KIAA0930: variants seen among roughly 807,000 people sequenced by gnomAD.
The protein encoded by KIAA0930 is uncharacterized protein KIAA0930.
KIAA0930 carries 24 observed loss-of-function variants against 43.9 expected under a neutral mutation model. That is an observed-to-expected ratio of 0.55 (90% CI 0.40 to 0.77). The LOEUF is 0.77. Among genes scored for constraint, KIAA0930 ranks in the 30% least tolerant of loss-of-function variants. KIAA0930 has a pLI of 0.00. For synonymous variants in KIAA0930, 259 were observed against 216.4 expected, an observed-to-expected ratio of 1.20 and a Z score of -1.73; for missense variants, 461 against 574.2, an observed-to-expected ratio of 0.80 and a Z score of 2.02.
chr22:45,234,664 AT>A (rs2083875812), intron 1 of KIAA0930, among the ~76,000 whole-genome samples: 1 of 152,258 alleles, frequency 6.6e-6, no homozygotes, highest in African/African-American at 2.4e-5. Context: ...CTTTGCACGT[AT>A]AAAAAGCTTT....
At chr22:45,197,729 C>T (rs1324456811) in intron 9 of KIAA0930, 61 bp downstream of exon 9, 8 of 1,582,956 alleles carry the variant, frequency 5.1e-6, no homozygotes, top group Non-Finnish European at 6.9e-6. Flanking sequence ...AGTACCAAGG[C>T]CCTGGAGGCA....
Position 45,196,088 on chromosome 22 carries a change from G to A in KIAA0930, c.*1088C>T, listed in dbSNP as rs1348353582. On this transcript the variant is annotated 3_prime_UTR_variant, in exon 10 of 10. Transcript: ENST00000336156. This position sits in a 1 kb window ranked among gnomAD's most constrained non-coding sequence, Gnocchi z 4.1. ...TTGGGTAGGGGACAGGCCTGCTCTC[G>A]GGGAGGGTACCGTGCATCCTTGCAG... 3.3e-5 allele frequency: 5 copies of A among 152,160 alleles called. No homozygotes were observed. Among genetic ancestry groups the A allele is most frequent in the East Asian group, 1.9e-4 (1 of 5,190 alleles). The allele number at this position is 152,160 out of a possible 1,614,324, so 9.4% of individuals were successfully genotyped here.
In KIAA0930 at chr22:45,196,903, C is replaced by T; in HGVS notation, c.*273G>A. ...TCATGGCCGCTCGGCATCTCTAGTC[C>T]TCTTTGGGTGCAGAGGGCTCTCCAG... On this transcript the variant is annotated 3_prime_UTR_variant, in exon 10 of 10. Coordinates refer to ENST00000336156, the MANE Select transcript of KIAA0930 (RefSeq NM_001009880.2). This position sits in a 1 kb window ranked among gnomAD's most constrained non-coding sequence, Gnocchi z 4.1. The T allele has an allele frequency of 2.2e-6, 1 of 455,196 alleles. No homozygotes were observed. The highest frequency in any genetic ancestry group is 3.9e-6 in the Non-Finnish European group (1 of 257,374). The allele number at this position is 455,196 out of a possible 1,614,324, so 28.2% of individuals were successfully genotyped here. A position where few individuals can be genotyped will look rare whatever the true frequency, so the allele number is the denominator to read the frequency against.
At position 45,197,905 on chromosome 22, in the gene KIAA0930, C is replaced by A; in HGVS notation, c.1059G>T (p.Ser353=). ...ACCCGACCAGGGACCGTCCTGTGCC[C>A]GACAGGGACCGAGACCGCAGGTTGG... The part of the protein sequence containing the change: ...NATNLRSRSL[S]GTGRSLVGSW... The change falls in exon 9 of 10, where the codon TCG becomes TCT. Residue 353 remains serine, a synonymous_variant. Coordinates refer to ENST00000336156, the MANE Select transcript of KIAA0930 (RefSeq NM_001009880.2). 1.2e-6 allele frequency: 2 copies of A among 1,614,164 alleles called. No individual in the cohort carries two copies. Among genetic ancestry groups the A allele is most frequent in the East Asian group, 2.2e-5 (1 of 44,892 alleles).
chr22:45,224,465 C>A (rs2083786329), intron 1 of KIAA0930, among the ~76,000 whole-genome samples: 1 of 152,222 alleles, frequency 6.6e-6, no homozygotes, highest in Non-Finnish European at 1.5e-5. Flanking sequence ...ACAACTGAAG[C>A]AGTTTATTTT....
At chr22:45,199,044 T>C (rs2083562422) in intron 8 of KIAA0930, among the ~76,000 whole-genome samples, 2 of 152,134 alleles carry the variant, frequency 1.3e-5, no homozygotes, top group Admixed American at 1.3e-4. Flanking sequence ...AGGCACGTGG[T>C]CCATGCCAGC....
chr22:45,200,002 G>A lies in KIAA0930; in HGVS notation c.886C>T (p.Arg296Trp), dbSNP rs1415078151. Reference sequence around the variant, plus strand: ...GAGAAGAAGGCAGGCCGGTTGTTCCGTTCTGGGGTGGGGGGTGTGCTGAAG... The same window carrying A: ...GAGAAGAAGGCAGGCCGGTTGTTCCATTCTGGGGTGGGGGGTGTGCTGAAG... ...TSFSTPPTPE[R>W]NNRPAFFSPS... Residue 296 changes from arginine (R) to tryptophan (W), a missense_variant, in exon 8 of 10, where the codon CGG becomes TGG. By Grantham distance (101) the Arg-to-Trp change is moderately radical. Coordinates refer to ENST00000336156, the MANE Select transcript of KIAA0930 (RefSeq NM_001009880.2). 13 of 1,603,846 alleles carry A rather than the reference G, an allele frequency of 8.1e-6. No homozygotes were observed. Among genetic ancestry groups the A allele is most frequent in the Non-Finnish European group, 1.1e-5 (13 of 1,175,282 alleles).
chr22:45,213,960 G>A (rs1006370445), intron 1 of KIAA0930, among the ~76,000 whole-genome samples: 3 of 151,722 alleles, frequency 2.0e-5, no homozygotes, highest in African/African-American at 4.8e-5. Context: ...GCAGTGAGCC[G>A]AGATCGCACC....
intron 1 of KIAA0930, among the ~76,000 whole-genome samples, chr22:45,213,878 C>T (rs1353422605): frequency 6.6e-6 from 1 of 152,072 alleles, no homozygotes; most frequent in Non-Finnish European, 1.5e-5. Context: ...GGCATGGTGG[C>T]GGGTGCCTGT....
intron 1 of KIAA0930, among the ~76,000 whole-genome samples, chr22:45,227,866 G>A (rs2083812131): frequency 6.6e-6 from 1 of 152,204 alleles, no homozygotes; most frequent in Non-Finnish European, 1.5e-5. Flanking sequence ...TTTGCTGCAG[G>A]GAGAGGGCTC....
chr22:45,234,160 C>T (rs1240691071), intron 1 of KIAA0930, among the ~76,000 whole-genome samples: 1 of 152,180 alleles, frequency 6.6e-6, no homozygotes, highest in Non-Finnish European at 1.5e-5. Context: ...GTCTCTGAGG[C>T]CCGGCAAGCT....
intron 1 of KIAA0930, chr22:45,212,631 C>T (rs1017928798): frequency 8.9e-7 from 1 of 1,119,176 alleles, no homozygotes; most frequent in Non-Finnish European, 1.2e-6. Context: ...AGGGAGACAG[C>T]ACCCGCCCCA....
At chr22:45,227,324 C>T (rs2083808305) in intron 1 of KIAA0930, among the ~76,000 whole-genome samples, 1 of 152,184 alleles carries the variant, frequency 6.6e-6, no homozygotes, top group African/African-American at 2.4e-5. Context: ...CCACACCAAC[C>T]CTCATTCCTA....
At position 45,193,523 on chromosome 22, in the gene KIAA0930, T is replaced by C. The variant is rs190412632; in HGVS notation, c.*3653A>G. 4 of 152,332 alleles carry C rather than the reference T, an allele frequency of 2.6e-5. No homozygotes were observed. Among genetic ancestry groups the C allele is most frequent in the East Asian group, 3.9e-4 (2 of 5,186 alleles). 9.4% of individuals were successfully genotyped at this position (152,332 alleles called of 1,614,324 possible). A position where few individuals can be genotyped will look rare whatever the true frequency, so the allele number is the denominator to read the frequency against. ...AAACAGATCCTGGTTTGAGTGCAGG[T>C]ACATTCTTTGGGGGAGGGCACCTCA... is the stretch of plus-strand genomic sequence containing the variant. On this transcript the variant is annotated 3_prime_UTR_variant, in exon 10 of 10. Coordinates refer to ENST00000336156, the MANE Select transcript of KIAA0930 (RefSeq NM_001009880.2).
chr22:45,202,528 T>A, intron 7 of KIAA0930: 1 of 154,530 alleles, frequency 6.5e-6, no homozygotes, highest in Non-Finnish European at 1.4e-5. Context: ...ATGCGCTGGC[T>A]GACCCTCAGT....
chr22:45,226,965 C>T (rs1213360500), intron 1 of KIAA0930: 2 of 152,870 alleles, frequency 1.3e-5, no homozygotes, highest in Admixed American at 6.5e-5. Flanking sequence ...CCACCCACGC[C>T]CCCAGCTCAC....
At chr22:45,226,658 G>T (rs2083803049) in intron 1 of KIAA0930, 2 of 220,706 alleles carry the variant, frequency 9.1e-6, no homozygotes, top group African/African-American at 2.3e-5. Context: ...CCTCACAGGG[G>T]CCTTATCCAA....
At chr22:45,203,715 C>G (rs1048169973) in intron 6 of KIAA0930, 130 bp downstream of exon 6, 1 of 1,009,262 alleles carries the variant, frequency 9.9e-7, no homozygotes, top group African/African-American at 1.6e-5. Flanking sequence ...CCCGGAGGGG[C>G]TGCAGGTACC....
chr22:45,203,057 G>A lies in KIAA0930; in HGVS notation c.785C>T (p.Ser262Phe). 1 of 1,613,810 alleles carries A rather than the reference G, an allele frequency of 6.2e-7. No individual in the cohort carries two copies. Among genetic ancestry groups the A allele is most frequent in the East Asian group, 2.2e-5 (1 of 44,886 alleles). The change falls in exon 7 of 10, where the codon TCT becomes TTT. Residue 262 changes from serine (S) to phenylalanine (F), a missense_variant. Ser to Phe is a radical substitution (Grantham distance 155). Transcript: ENST00000336156. ...GHAEMAVSRV[S>F]TGDTSPCGTE... ...CCCACAGGGGGATGTGTCACCTGTAGACACTCGGCTGACCGCCATCTCGGC... is the reference window on the plus strand; with the variant it reads ...CCCACAGGGGGATGTGTCACCTGTAAACACTCGGCTGACCGCCATCTCGGC...
Sources: allele counts gnomAD v4.1 joint callset (sites outside exome capture counted in the v4.1 genomes callset), GRCh38; gene constraint gnomAD v4.1.1; non-coding constraint Gnocchi (gnomAD v3.1); transcripts MANE v1.5; gene names NCBI Gene and HGNC (gene_info 2026-07-23, HGNC 2026-07-21).